YJU2B: variants seen among roughly 807,000 people sequenced by gnomAD.
YJU2B encodes probable splicing factor YJU2B.
YJU2B carries 18 observed loss-of-function variants against 38.0 expected under a neutral mutation model. The ratio of observed to expected loss-of-function variants is 0.47; its 90% confidence interval spans 0.33 to 0.70. The LOEUF is 0.70. YJU2B is among the 30% of genes least tolerant of loss of function. The pLI, the probability that YJU2B is intolerant of heterozygous loss-of-function variation, is 0.02. For synonymous variants in YJU2B, 246 were observed against 225.4 expected, an observed-to-expected ratio of 1.09 and a Z score of -0.82; for missense variants, 538 against 556.3, an observed-to-expected ratio of 0.97 and a Z score of 0.33.
At chr19:13,757,530 GGA>G in intron 5 of YJU2B, 57 bp downstream of exon 5, 5 of 1,471,032 alleles carry the variant, frequency 3.4e-6, no homozygotes, top group Non-Finnish European at 4.8e-6. Context: ...CCTAACTGCT[GGA>G]TGCCGCCGGG....
At chr19:13,744,418 A>G (rs1043632894), upstream of YJU2B, among the ~76,000 whole-genome samples, 2 of 152,118 alleles carry the variant, frequency 1.3e-5, no homozygotes, top group Non-Finnish European at 2.9e-5. Flanking sequence ...TCAGGGACAT[A>G]TGTTAAGATG....
At chr19:13,757,554 AG>A in intron 5 of YJU2B, 81 bp downstream of exon 5, 2 of 977,244 alleles carry the variant, frequency 2.0e-6, no homozygotes, top group Non-Finnish European at 3.3e-6. Context: ...TGGGGGTGGG[AG>A]GGTCCTGATC....
chr19:13,760,968 C>T (rs1973864620), intron 8 of YJU2B, among the ~76,000 whole-genome samples: 5 of 152,036 alleles, frequency 3.3e-5, no homozygotes, highest in Admixed American at 2.0e-4. Flanking sequence ...TGGGTATCAC[C>T]ATGTTGGCCA....
chr19:13,733,796 G>A (rs186524225), intron 2 of YJU2B, among the ~76,000 whole-genome samples: 1 of 152,212 alleles, frequency 6.6e-6, no homozygotes, highest in Non-Finnish European at 1.5e-5. Flanking sequence ...AAAAATGTCT[G>A]CAGACATTGC....
At chr19:13,757,330 A>G in intron 4 of YJU2B, 88 bp from the exon 5 acceptor site, 3 of 1,131,576 alleles carry the variant, frequency 2.7e-6, no homozygotes, top group Non-Finnish European at 4.0e-6. Context: ...CACCCCTCAA[A>G]TCACAACCGC....
At position 13,758,858 on chromosome 19, in the gene YJU2B, T is replaced by C; in HGVS notation, c.258-10T>C. The C allele has an allele frequency of 6.2e-7, 1 of 1,613,632 alleles. No individual in the cohort carries two copies. Among genetic ancestry groups the C allele is most frequent in the Non-Finnish European group, 8.5e-7 (1 of 1,179,942 alleles). Reference sequence around the variant, plus strand: ...CAGCCTCCTGACTCCTGCCCACCGCTCCCTCCCAGGTTCCGGATGAAATGC... The same window carrying C: ...CAGCCTCCTGACTCCTGCCCACCGCCCCCTCCCAGGTTCCGGATGAAATGC... On this transcript the variant is annotated splice_polypyrimidine_tract_variant and intron_variant, in intron 6 of 9. Coordinates refer to ENST00000221554, the MANE Select transcript of YJU2B (RefSeq NM_030818.4).
upstream of YJU2B, chr19:13,747,883 G>A (rs1449238659): frequency 6.6e-6 from 1 of 152,320 alleles, no homozygotes; most frequent in Non-Finnish European, 1.5e-5. Flanking sequence ...CGCGGAGAGG[G>A]CGCCCAGGTT....
chr19:13,745,538 T>C (rs1973206648), upstream of YJU2B, among the ~76,000 whole-genome samples: 2 of 151,710 alleles, frequency 1.3e-5, no homozygotes, highest in Admixed American at 1.3e-4. Context: ...ATGCCTGTAA[T>C]CCCAGGGCTG....
chr19:13,762,574 C>T lies in YJU2B; in HGVS notation c.713-16C>T. 3 of 1,528,850 alleles carry T rather than the reference C, an allele frequency of 2.0e-6. No individual in the cohort carries two copies. The highest frequency in any genetic ancestry group is 2.6e-6 in the Non-Finnish European group (3 of 1,145,072). The allele number at this position is 1,528,850 out of a possible 1,614,324, so 94.7% of individuals were successfully genotyped here. A position where few individuals can be genotyped will look rare whatever the true frequency, so the allele number is the denominator to read the frequency against. On this transcript the variant is annotated splice_polypyrimidine_tract_variant and intron_variant, in intron 9 of 9. Coordinates refer to ENST00000221554, the MANE Select transcript of YJU2B (RefSeq NM_030818.4). Reference sequence around the variant, plus strand: ...CCTCCCCTGCCGCCCCTGAAATGTCCTCTCCTCTCCTCTAGCCTACGAGGA... The same window carrying T: ...CCTCCCCTGCCGCCCCTGAAATGTCTTCTCCTCTCCTCTAGCCTACGAGGA...
At chr19:13,734,476 G>C (rs1401896883) in intron 2 of YJU2B, among the ~76,000 whole-genome samples, 1 of 152,050 alleles carries the variant, frequency 6.6e-6, no homozygotes, top group Non-Finnish European at 1.5e-5. Context: ...TTTTAGTAGA[G>C]ACAGAGTTTC....
chr19:13,757,947 A>G, intron 6 of YJU2B, 101 bp downstream of exon 6: 1 of 1,020,238 alleles, frequency 9.8e-7, no homozygotes, highest in Non-Finnish European at 1.5e-6. Context: ...TCCCTGCAGG[A>G]CTCCTGGAAA....
chr19:13,750,983 A>G (rs766362627), intron 1 of YJU2B, among the ~76,000 whole-genome samples: 10 of 152,104 alleles, frequency 6.6e-5, no homozygotes, highest in Non-Finnish European at 1.5e-4. Context: ...GAACAGAGTG[A>G]ACGAGAGATA....
At chr19:13,757,324 C>A (rs1973703191) in intron 4 of YJU2B, 94 bp from the exon 5 acceptor site, 1 of 991,950 alleles carries the variant, frequency 1.0e-6, no homozygotes, top group Non-Finnish European at 1.6e-6. Context: ...ATACCCCACC[C>A]CTCAAATCAC....
At chr19:13,736,419 C>T (rs1411890892) in intron 2 of YJU2B, among the ~76,000 whole-genome samples, 3 of 151,578 alleles carry the variant, frequency 2.0e-5, no homozygotes, top group Non-Finnish European at 4.4e-5. Context: ...CCACTAAGCC[C>T]GGCTAATTTT....
chr19:13,762,538 G>A, intron 9 of YJU2B, 52 bp from the exon 10 acceptor site: 1 of 1,543,490 alleles, frequency 6.5e-7, no homozygotes, highest in South Asian at 1.2e-5. Flanking sequence ...CCAGAGGGCA[G>A]TTCTGGACCC....
intron 8 of YJU2B, among the ~76,000 whole-genome samples, chr19:13,760,683 C>A (rs1973855142): frequency 6.6e-6 from 1 of 151,990 alleles, no homozygotes; most frequent in African/African-American, 2.4e-5. Flanking sequence ...GCCTCGATGT[C>A]CCAGGTTCAA....
chr19:13,756,870 G>A (rs989249990), intron 4 of YJU2B, among the ~76,000 whole-genome samples: 2 of 151,760 alleles, frequency 1.3e-5, no homozygotes, highest in African/African-American at 2.4e-5. Context: ...CCAGCTCCTC[G>A]GGAGGCTGAG....
Position 13,763,030 on chromosome 19 carries a change from T to G in YJU2B, c.1153T>G (p.Ser385Ala). 1 of 1,579,978 alleles carries G rather than the reference T, an allele frequency of 6.3e-7. No homozygotes were observed. The highest frequency in any genetic ancestry group is 8.6e-7 in the Non-Finnish European group (1 of 1,162,260). Residue 385 changes from serine (S) to alanine (A), a missense_variant, in exon 10 of 10, where the codon TCC becomes GCC. By Grantham distance (99) the Ser-to-Ala change is moderately conservative (BLOSUM62 1). Coordinates refer to ENST00000221554, the MANE Select transcript of YJU2B (RefSeq NM_030818.4). ...DTRHPCSLGS[S>A]LVADYSDSES... ...GCGGCACCCCTGCAGTCTCGGCTCC[T>G]CCCTCGTGGCGGACTACTCCGACTC...
chr19:13,757,391 C>CCT, intron 4 of YJU2B, 27 bp from the exon 5 acceptor site: 1 of 1,609,208 alleles, frequency 6.2e-7, no homozygotes, highest in Non-Finnish European at 8.5e-7. Flanking sequence ...TGGACAAGTG[C>CCT]AAGTAAGATG....
Sources: allele counts gnomAD v4.1 joint callset (sites outside exome capture counted in the v4.1 genomes callset), GRCh38; gene constraint gnomAD v4.1.1; transcripts MANE v1.5; gene names NCBI Gene and HGNC (gene_info 2026-07-23, HGNC 2026-07-21).